The following CALN1 variants were observed in gnomAD, a reference collection of about 807,000 sequenced individuals.
CALN1 encodes the protein calneuron 1, also known as calcium-binding protein 8.
CALN1 carries 17 observed loss-of-function variants against 30.6 expected under a neutral mutation model. The observed-to-expected ratio is 0.56, with a 90% CI of 0.38 to 0.83. The LOEUF (loss-of-function observed/expected upper bound fraction) is 0.83. Ranked by LOEUF, CALN1 falls within the 40% of genes least tolerant of loss-of-function variation. The probability of loss-of-function intolerance (pLI) is 0.00; values close to 1 mark genes in which losing one functional copy is unlikely to be tolerated. For missense variants in CALN1, 291 were observed against 354.9 expected, an observed-to-expected ratio of 0.82 and a Z score of 1.45; for synonymous variants, 156 against 131.4, an observed-to-expected ratio of 1.19 and a Z score of -1.28.
intron 2 of CALN1, among the ~76,000 whole-genome samples, chr7:72,396,639 G>A (rs1297088109): frequency 3.3e-5 from 5 of 152,170 alleles, no homozygotes; most frequent in Non-Finnish European, 7.4e-5. Flanking sequence ...AATGGGCAGA[G>A]AGGGGCAAAG....
intron 5 of CALN1, among the ~76,000 whole-genome samples, chr7:72,007,539 T>G (rs1799842238): frequency 6.6e-6 from 1 of 152,180 alleles, no homozygotes; most frequent in Non-Finnish European, 1.5e-5. Flanking sequence ...AGAGCGAGAC[T>G]CTGTCTCAAA....
In CALN1 at chr7:72,106,159, T is replaced by C. The variant is rs1387734752; in HGVS notation, c.380A>G (p.Asp127Gly). Residue 127 changes from aspartate (D) to glycine (G), a missense_variant, in exon 4 of 7, where the codon GAC (aspartate) becomes GGC (glycine). Coordinates refer to ENST00000395275, the MANE Select transcript of CALN1 (RefSeq NM_031468.4). Reference protein sequence around the residue: ...VELAIIMQRLDMDGDGQVDFD... With the variant: ...VELAIIMQRLGMDGDGQVDFD... ...GCTTGTCCGGGTCTTACCGTCCATG[T>C]CCAAGCGCTGCATGATGATGGCCAG... 2 of 1,613,722 alleles carry C rather than the reference T, an allele frequency of 1.2e-6. No individual in the cohort carries two copies. Among genetic ancestry groups the C allele is most frequent in the Non-Finnish European group, 1.7e-6 (2 of 1,179,962 alleles).
At chr7:72,195,526 C>T (rs1414962673) in intron 3 of CALN1, among the ~76,000 whole-genome samples, 1 of 152,096 alleles carries the variant, frequency 6.6e-6, no homozygotes, top group Non-Finnish European at 1.5e-5. Context: ...TAGGCAGGTA[C>T]TAACATTCCT....
chr7:71,931,308 C>T (rs1444227218), intron 5 of CALN1, among the ~76,000 whole-genome samples: 1 of 152,082 alleles, frequency 6.6e-6, no homozygotes. Context: ...CTCTGTCACC[C>T]AGGCTAGAGT....
intron 5 of CALN1, among the ~76,000 whole-genome samples, chr7:71,907,211 A>T (rs1794183098): frequency 6.6e-6 from 1 of 150,898 alleles, no homozygotes; most frequent in Admixed American, 6.6e-5. Flanking sequence ...TGCTAAATCA[A>T]TTTACTTTTA....
intron 5 of CALN1, among the ~76,000 whole-genome samples, chr7:71,871,385 C>T (rs1791916862): frequency 6.6e-6 from 1 of 151,802 alleles, no homozygotes; most frequent in Non-Finnish European, 1.5e-5. Context: ...AAACTGGACA[C>T]AACCAGCCCT....
intron 4 of CALN1, among the ~76,000 whole-genome samples, chr7:72,097,650 A>C (rs1228985155): frequency 4.8e-5 from 7 of 144,646 alleles, no homozygotes; most frequent in South Asian, 2.6e-4. Flanking sequence ...GTCTACCCAA[A>C]AAAAAAAAAA....
At chr7:71,874,116 A>T (rs1259965753) in intron 5 of CALN1, among the ~76,000 whole-genome samples, 1 of 151,934 alleles carries the variant, frequency 6.6e-6, no homozygotes, top group Non-Finnish European at 1.5e-5. Context: ...CTCTACTAAA[A>T]ATACAAAAAT....
the CALN1 span, among the ~76,000 whole-genome samples, chr7:72,455,087 T>A: frequency 2.7e-4 from 41 of 152,196 alleles, no homozygotes; most frequent in African/African-American, 9.4e-4. Flanking sequence ...CACCTTGGCC[T>A]CCCAAAGTGC....
chr7:72,162,936 G>A (rs1261783938), intron 3 of CALN1, among the ~76,000 whole-genome samples: 1 of 152,230 alleles, frequency 6.6e-6, no homozygotes, highest in Non-Finnish European at 1.5e-5. Flanking sequence ...CCAGAAAGGA[G>A]AGAGCTGCAC....
At chr7:71,971,937 A>G (rs1584644128) in intron 5 of CALN1, among the ~76,000 whole-genome samples, 2 of 101,896 alleles carry the variant, frequency 2.0e-5, no homozygotes, top group Non-Finnish European at 3.7e-5. Context: ...TCTCAAAAAA[A>G]AAAAAAAAAA....
At chr7:72,292,692 A>G (rs565183824) in intron 2 of CALN1, among the ~76,000 whole-genome samples, 1 of 151,226 alleles carries the variant, frequency 6.6e-6, no homozygotes, top group African/African-American at 2.4e-5. Context: ...ATGGTGGCGC[A>G]TGCTTGTAAT....
Position 72,387,025 on chromosome 7 carries a change from G to C in CALN1, c.119+16226C>G, listed in dbSNP as rs531593663. On this transcript the variant is annotated intron_variant, in intron 2 of 6. Coordinates refer to ENST00000395275, the MANE Select transcript of CALN1 (RefSeq NM_031468.4). The stretch of plus-strand genomic sequence containing the variant: ...CAAGATGAGCCTGGAACATCTTTCA[G>C]TGCCAGAAAGAAAGTTCTCAAAACA... 1.8e-3 allele frequency among the ~76,000 whole-genome samples: 277 copies of C among 151,460 alleles called. 1 individual carries two copies. Among genetic ancestry groups the C allele is most frequent in the Non-Finnish European group, 2.8e-3 (187 of 67,910 alleles).
At chr7:72,065,076 TTA>T (rs150344373) in intron 4 of CALN1, among the ~76,000 whole-genome samples, 2,098 of 148,388 alleles carry the variant, frequency 0.014, 44 homozygotes, top group African/African-American at 0.049. Flanking sequence ...TAAAATATAT[TTA>T]TATGTTAATA....
chr7:71,806,689 A>G (rs955759842), intron 6 of CALN1, among the ~76,000 whole-genome samples: 5 of 152,196 alleles, frequency 3.3e-5, no homozygotes, highest in South Asian at 2.1e-4. Context: ...CTGCATATCA[A>G]TGAGACTACT....
intron 2 of CALN1, among the ~76,000 whole-genome samples, chr7:72,392,944 A>G (rs1471350024): frequency 6.6e-6 from 1 of 151,994 alleles, no homozygotes; most frequent in Non-Finnish European, 1.5e-5. Context: ...GGCTGCAATG[A>G]GCTATGATCT....
intron 2 of CALN1, among the ~76,000 whole-genome samples, chr7:72,308,347 G>A (rs1016921182): frequency 7.0e-6 from 1 of 142,538 alleles, no homozygotes; most frequent in Non-Finnish European, 1.5e-5. Flanking sequence ...CTGGGCCACA[G>A]AGTGAGATGC....
chr7:72,302,458 C>T (rs778157403), intron 2 of CALN1, among the ~76,000 whole-genome samples: 14 of 152,234 alleles, frequency 9.2e-5, no homozygotes, highest in Non-Finnish European at 5.9e-5. Context: ...CTAATTTACA[C>T]CCAGTCAAAA....
At chr7:72,244,800 T>C (rs1463368742) in intron 3 of CALN1, among the ~76,000 whole-genome samples, 1 of 152,088 alleles carries the variant, frequency 6.6e-6, no homozygotes. Context: ...AGAATGACTA[T>C]TCCCTTTCTC....
Sources: allele counts gnomAD v4.1 joint callset (sites outside exome capture counted in the v4.1 genomes callset), GRCh38; gene constraint gnomAD v4.1.1; transcripts MANE v1.5; gene names NCBI Gene and HGNC (gene_info 2026-07-23, HGNC 2026-07-21).